PHTF2: variants seen among roughly 807,000 people sequenced by gnomAD.
PHTF2 encodes putative homeodomain transcription factor 2.
A neutral mutation model predicts 101.2 loss-of-function variants in PHTF2; 60 were observed. The ratio of observed to expected loss-of-function variants is 0.59; its 90% confidence interval spans 0.48 to 0.73. The LOEUF (loss-of-function observed/expected upper bound fraction) is 0.73. PHTF2 is among the 30% of genes least tolerant of loss of function. The probability of loss-of-function intolerance (pLI) is 0.00; values close to 1 mark genes in which losing one functional copy is unlikely to be tolerated. For missense variants in PHTF2, 747 were observed against 908.7 expected, an observed-to-expected ratio of 0.82 and a Z score of 2.29; for synonymous variants, 311 against 307.3, an observed-to-expected ratio of 1.01 and a Z score of -0.13.
At chr7:77,846,529 A>G (rs950089369) in intron 2 of PHTF2, among the ~76,000 whole-genome samples, 10 of 149,496 alleles carry the variant, frequency 6.7e-5, no homozygotes, top group African/African-American at 2.5e-4. Flanking sequence ...GTTGCCTGAA[A>G]TTAGTTTCCC....
Position 77,929,332 on chromosome 7 carries a change from GTTTATGGT to G in PHTF2, c.1338+9_1338+16del. ...AGAGATGACCCTTTTCATCAGGTTG[GTTTATGGT>G]TTTGGCTTATGTGGAGCTATGAGTC... On this transcript the variant is annotated splice_donor_region_variant and intron_variant, in intron 12 of 19. Transcript: ENST00000416283. 1 of 1,542,006 alleles carries G rather than the reference GTTTATGGT, an allele frequency of 6.5e-7. No individual in the cohort carries two copies. Among genetic ancestry groups the G allele is most frequent in the South Asian group, 1.1e-5 (1 of 88,422 alleles).
chr7:77,821,769 A>G (rs1794314552), intron 1 of PHTF2, among the ~76,000 whole-genome samples: 1 of 152,136 alleles, frequency 6.6e-6, no homozygotes. Context: ...TGGCTGGCTC[A>G]GGGGTGTGGC....
chr7:77,801,591 A>AAAAAC (rs1387398383), intron 1 of PHTF2, among the ~76,000 whole-genome samples: 1 of 152,210 alleles, frequency 6.6e-6, no homozygotes, highest in African/African-American at 2.4e-5. Flanking sequence ...TCTCAAAAAC[A>AAAAAC]AAAACAAAAC....
chr7:77,818,439 G>C (rs1041876989), intron 1 of PHTF2, among the ~76,000 whole-genome samples: 1 of 152,152 alleles, frequency 6.6e-6, no homozygotes, highest in Non-Finnish European at 1.5e-5. Flanking sequence ...TTTTGTATAG[G>C]ATGAGAGATG....
intron 16 of PHTF2, among the ~76,000 whole-genome samples, chr7:77,949,255 C>T (rs1056416153): frequency 6.6e-6 from 1 of 151,376 alleles, no homozygotes; most frequent in Non-Finnish European, 1.5e-5. Flanking sequence ...TTCCAACTCC[C>T]AAGTGCTTAG....
intron 12 of PHTF2, among the ~76,000 whole-genome samples, chr7:77,935,120 T>C (rs1804968684): frequency 4.4e-5 from 3 of 67,482 alleles, no homozygotes; most frequent in Admixed American, 1.9e-4. Context: ...CAGTGTACAT[T>C]CCCCCCCCCC....
At chr7:77,954,607 A>T (rs1026132254) in intron 19 of PHTF2, among the ~76,000 whole-genome samples, 4 of 65,780 alleles carry the variant, frequency 6.1e-5, no homozygotes, top group Non-Finnish European at 1.0e-4. Flanking sequence ...TTAAACAAGT[A>T]CTGTGTATAT....
At chr7:77,880,056 G>T (rs1332388845) in intron 3 of PHTF2, among the ~76,000 whole-genome samples, 1 of 152,146 alleles carries the variant, frequency 6.6e-6, no homozygotes, top group African/African-American at 2.4e-5. Context: ...GAATCACACA[G>T]TTGCTCTACT....
chr7:77,850,914 A>G (rs1325505718), intron 2 of PHTF2, among the ~76,000 whole-genome samples: 1 of 152,106 alleles, frequency 6.6e-6, no homozygotes, highest in African/African-American at 2.4e-5. Context: ...GATATGATGT[A>G]TGACATTGAT....
intron 3 of PHTF2, among the ~76,000 whole-genome samples, chr7:77,874,419 TTATTAAG>T (rs1798765697): frequency 6.6e-6 from 1 of 152,032 alleles, no homozygotes; most frequent in Admixed American, 6.6e-5. Flanking sequence ...AAAGGAGAGT[TTATTAAG>T]TATTAACTCA....
chr7:77,838,366 G>T (rs1210659623), intron 1 of PHTF2, among the ~76,000 whole-genome samples: 1 of 152,152 alleles, frequency 6.6e-6, no homozygotes, highest in Non-Finnish European at 1.5e-5. Flanking sequence ...TAATCCATGT[G>T]TATGTAATTG....
At chr7:77,886,601 T>A (rs878860331) in intron 3 of PHTF2, among the ~76,000 whole-genome samples, 2 of 152,224 alleles carry the variant, frequency 1.3e-5, no homozygotes, top group Admixed American at 1.3e-4. Context: ...ATAAAGTTCC[T>A]ATTCAGTGAT....
chr7:77,800,121 G>A (rs1486206001), intron 1 of PHTF2, among the ~76,000 whole-genome samples: 1 of 152,046 alleles, frequency 6.6e-6, no homozygotes, highest in Non-Finnish European at 1.5e-5. Context: ...AATATTGGAA[G>A]GGGAATTCTG....
At chr7:77,931,466 A>T (rs1269800395) in intron 12 of PHTF2, among the ~76,000 whole-genome samples, 2 of 152,256 alleles carry the variant, frequency 1.3e-5, no homozygotes, top group African/African-American at 4.8e-5. Context: ...CTAATAAAAT[A>T]TAAGTGAAGA....
intron 18 of PHTF2, among the ~76,000 whole-genome samples, chr7:77,952,902 C>A (rs1392152502): frequency 6.6e-6 from 1 of 152,152 alleles, no homozygotes; most frequent in Non-Finnish European, 1.5e-5. Context: ...AATTCATCCT[C>A]TTCTCTATTA....
chr7:77,880,017 A>G (rs1799274106), intron 3 of PHTF2, among the ~76,000 whole-genome samples: 1 of 152,210 alleles, frequency 6.6e-6, no homozygotes, highest in Non-Finnish European at 1.5e-5. Context: ...GGAAAAGTGG[A>G]AAATGCAGGT....
intron 3 of PHTF2, among the ~76,000 whole-genome samples, chr7:77,860,980 A>G (rs994716097): frequency 6.6e-6 from 1 of 152,184 alleles, no homozygotes; most frequent in African/African-American, 2.4e-5. Context: ...TTAGGATTAC[A>G]GTCATGAGCC....
chr7:77,877,765 G>C (rs1415011810), intron 3 of PHTF2, among the ~76,000 whole-genome samples: 1 of 152,222 alleles, frequency 6.6e-6, no homozygotes, highest in Non-Finnish European at 1.5e-5. Context: ...AGGAAACCAA[G>C]GCTGTGTAGG....
At chr7:77,868,322 A>AAT (rs1562893189) in intron 3 of PHTF2, among the ~76,000 whole-genome samples, 2 of 78,526 alleles carry the variant, frequency 2.5e-5, no homozygotes, top group Non-Finnish European at 4.6e-5. Context: ...TTAAAAAAAA[A>AAT]TTTTTTTTTT....
Sources: allele counts gnomAD v4.1 joint callset (sites outside exome capture counted in the v4.1 genomes callset), GRCh38; gene constraint gnomAD v4.1.1; transcripts MANE v1.5; gene names NCBI Gene and HGNC (gene_info 2026-07-23, HGNC 2026-07-21).